REG4: variants seen among roughly 807,000 people sequenced by gnomAD.
The protein encoded by REG4 is regenerating family member 4, also known as regenerating islet-derived protein 4.
Under a neutral mutation model 22.3 loss-of-function variants are expected in REG4, and 16 were observed. That is an observed-to-expected ratio of 0.72 (90% confidence interval 0.49 to 1.09). The LOEUF is 1.09. REG4 is among the 50% of genes least tolerant of loss of function. The pLI is 0.00. For synonymous variants in REG4, 71 were observed against 69.2 expected (o/e 1.03, Z -0.13); for missense variants, 214 against 193.9 (o/e 1.10, Z -0.61).
At chr1:119,803,205 A>T in intron 2 of REG4, 40 bp from the exon 3 acceptor site, 1 of 1,492,382 alleles carries the variant, frequency 6.7e-7, no homozygotes, top group Non-Finnish European at 8.9e-7. Context: ...TATGATAGCA[A>T]AAACAATCAA....
In REG4 at chr1:119,803,142, C is replaced by G; in HGVS notation, c.91G>C (p.Ala31Pro). ...LGDIIMRPSC[A>P]PGWFYHKSNC... ...GACTTGTGGTAAAACCATCCAGGAGCACAGCTGGGTCTCATGATGATATCT... is the reference window on the plus strand; with the variant it reads ...GACTTGTGGTAAAACCATCCAGGAGGACAGCTGGGTCTCATGATGATATCT... Residue 31 changes from alanine to proline, a missense_variant, in exon 3 of 6, where the codon GCT becomes CCT. By Grantham distance (27) the Ala-to-Pro change is conservative. Transcript: ENST00000256585. 1 of 1,526,698 alleles carries G rather than the reference C, an allele frequency of 6.6e-7. No homozygotes were observed. The highest frequency in any genetic ancestry group is 8.8e-7 in the Non-Finnish European group (1 of 1,139,692). 94.6% of individuals were successfully genotyped at this position (1,526,698 alleles called of 1,614,324 possible). A position where few individuals can be genotyped will look rare whatever the true frequency, so the allele number is the denominator to read the frequency against.
intron 2 of REG4, among the ~76,000 whole-genome samples, chr1:119,804,357 G>A (rs968695067): frequency 6.6e-6 from 1 of 152,192 alleles, no homozygotes; most frequent in Non-Finnish European, 1.5e-5. Context: ...GCATGTAAGA[G>A]ATTTTATAAC....
At chr1:119,800,435 G>A (rs1047379088) in intron 3 of REG4, among the ~76,000 whole-genome samples, 5 of 152,172 alleles carry the variant, frequency 3.3e-5, no homozygotes, top group Admixed American at 3.3e-4. Flanking sequence ...CATTATGGCA[G>A]TGCTCTTTGC....
At chr1:119,811,062 A>C (rs958510734) in intron 1 of REG4, among the ~76,000 whole-genome samples, 55 of 152,054 alleles carry the variant, frequency 3.6e-4, no homozygotes, top group Admixed American at 2.6e-4. Flanking sequence ...AAAAAACAAA[A>C]ACAAAAACAA....
chr1:119,802,285 C>A, intron 3 of REG4: 1 of 950,976 alleles, frequency 1.1e-6, no homozygotes, highest in Non-Finnish European at 1.3e-6. Flanking sequence ...ATGTCGCAAT[C>A]CTGCATTAAT....
intron 5 of REG4, among the ~76,000 whole-genome samples, chr1:119,797,978 G>A (rs749432332): frequency 3.9e-5 from 6 of 152,230 alleles, no homozygotes; most frequent in South Asian, 4.1e-4. Context: ...GAAGGCTCAC[G>A]CGAGTGTGTG....
chr1:119,798,439 G>A (rs1557759973), intron 5 of REG4, 58 bp downstream of exon 5: 9 of 1,383,618 alleles, frequency 6.5e-6, no homozygotes, highest in Non-Finnish European at 8.2e-6. Context: ...GTGCTTACTA[G>A]GTAAAGGGAA....
At chr1:119,798,439 G>T in intron 5 of REG4, 58 bp downstream of exon 5, 1 of 1,383,616 alleles carries the variant, frequency 7.2e-7, no homozygotes, top group South Asian at 1.2e-5. Context: ...GTGCTTACTA[G>T]GTAAAGGGAA....
chr1:119,799,914 C>G, intron 3 of REG4, 52 bp from the exon 4 acceptor site: 3 of 1,603,670 alleles, frequency 1.9e-6, no homozygotes, highest in Non-Finnish European at 2.6e-6. Flanking sequence ...TAAAGCACAG[C>G]CCTCCCCTCA....
chr1:119,795,814 A>G (rs1282732232), intron 5 of REG4, among the ~76,000 whole-genome samples: 1 of 152,222 alleles, frequency 6.6e-6, no homozygotes, highest in Non-Finnish European at 1.5e-5. Context: ...GCTTGTGGGT[A>G]CTTTCACAGT....
Position 119,794,258 on chromosome 1 carries a change from A to C in REG4, c.*360T>G. The C allele has an allele frequency of 1.8e-6, 1 of 550,322 alleles. No individual in the cohort carries two copies. The highest frequency in any genetic ancestry group is 3.7e-6 in the Non-Finnish European group (1 of 272,032). The allele number at this position is 550,322 out of a possible 1,614,324, so 34.1% of individuals were successfully genotyped here. On this transcript the variant is annotated 3_prime_UTR_variant, in exon 6 of 6. Coordinates refer to ENST00000256585, the MANE Select transcript of REG4 (RefSeq NM_032044.4). ...GGGTGTAGAAGCTGAAGGGGTCTAGAAGCTTACTCCTGAGTTTCTTCCTTC... is the reference window on the plus strand; with the variant it reads ...GGGTGTAGAAGCTGAAGGGGTCTAGCAGCTTACTCCTGAGTTTCTTCCTTC...
At chr1:119,802,660 C>T in intron 3 of REG4, 2 of 1,374,544 alleles carry the variant, frequency 1.5e-6, no homozygotes, top group Non-Finnish European at 1.9e-6. Flanking sequence ...GTCAGCGGCT[C>T]CAAGGTGTCT....
intron 2 of REG4, among the ~76,000 whole-genome samples, chr1:119,806,108 C>CT (rs1162137225): frequency 8.6e-5 from 13 of 151,228 alleles, no homozygotes; most frequent in African/African-American, 2.4e-4. Context: ...GTTTTTTGTA[C>CT]TTTTTTTTTA....
At position 119,808,723 on chromosome 1, in the gene REG4, G is replaced by A; in HGVS notation, c.47C>T (p.Ala16Val). 1 of 1,613,844 alleles carries A rather than the reference G, an allele frequency of 6.2e-7. No individual in the cohort carries two copies. Among genetic ancestry groups the A allele is most frequent in the Non-Finnish European group, 8.5e-7 (1 of 1,179,790 alleles). ...CTCACCACCCAGGACTCCTGTTTTG[G>A]CCAGGCAGCTCAGCAATAGGAGCAG... ...MRLLLLLSCL[A>V]KTGVLGDIIM... The change falls in exon 2 of 6, where the codon GCC becomes GTC. Residue 16 changes from alanine (A) to valine (V), a missense_variant. Transcript: ENST00000256585.
Position 119,807,779 on chromosome 1 carries a change from A to T in REG4, c.67+924T>A, listed in dbSNP as rs587678307. ...GACCAGGACCGCAGACTGCAGCCATAGGGGCCAAAATGATGCCCAAAGAAC... is the reference window on the plus strand; with the variant it reads ...GACCAGGACCGCAGACTGCAGCCATTGGGGCCAAAATGATGCCCAAAGAAC... On this transcript the variant is annotated intron_variant, in intron 2 of 5. Transcript: ENST00000256585. Among the ~76,000 whole-genome samples, 6 of 152,358 alleles carry T rather than the reference A, an allele frequency of 3.9e-5. 1 individual carries two copies. The South Asian group carries it at 1.0e-3, about 26-fold the overall frequency.
rs750296601 is a variant in REG4 at position 119,794,131 on chromosome 1, A to C, written c.*487T>G. 1 of 533,896 alleles carries C rather than the reference A, an allele frequency of 1.9e-6. No individual in the cohort carries two copies. The highest frequency in any genetic ancestry group is 3.8e-6 in the Non-Finnish European group (1 of 260,290). 33.1% of individuals were successfully genotyped at this position (533,896 alleles called of 1,614,324 possible). A position where few individuals can be genotyped will look rare whatever the true frequency, so the allele number is the denominator to read the frequency against. On this transcript the variant is annotated 3_prime_UTR_variant, in exon 6 of 6. Transcript: ENST00000256585. ...TTAAAGGAATGTATGGCCCACATCA[A>C]CCTAGCAAGGATTCTACTGGTAAAC...
intron 5 of REG4, among the ~76,000 whole-genome samples, chr1:119,797,794 G>A (rs1653976650): frequency 6.6e-6 from 1 of 152,200 alleles, no homozygotes; most frequent in South Asian, 2.1e-4. Context: ...CTGGGAGGAG[G>A]AGTGCTACTG....
intron 3 of REG4, chr1:119,802,807 G>T (rs1262656829): frequency 6.7e-7 from 1 of 1,496,082 alleles, no homozygotes; most frequent in East Asian, 2.5e-5. Flanking sequence ...CAGTGAGCTT[G>T]CTGAGGGTAG....
At chr1:119,803,647 T>C (rs946566745) in intron 2 of REG4, among the ~76,000 whole-genome samples, 4 of 152,238 alleles carry the variant, frequency 2.6e-5, no homozygotes, top group African/African-American at 9.6e-5. Context: ...TGGCAGAATC[T>C]TGTATTAGCA....
Sources: gnomAD v4.1 joint callset for allele counts (sites outside exome capture counted in the v4.1 genomes callset) on GRCh38, gnomAD v4.1.1 for gene constraint, MANE v1.5 for transcripts, NCBI Gene and HGNC (gene_info 2026-07-23, HGNC 2026-07-21) for gene names.